CAMTA1: variants seen among roughly 807,000 people sequenced by gnomAD.
CAMTA1 encodes calmodulin binding transcription activator 1.
CAMTA1 carries 27 observed loss-of-function variants against 170.9 expected under a neutral mutation model. The observed-to-expected ratio is 0.16, with a 90% confidence interval of 0.12 to 0.22. CAMTA1 has a LOEUF of 0.22. Among genes scored for constraint, CAMTA1 ranks in the 10% least tolerant of loss-of-function variants. The pLI, the probability that CAMTA1 is intolerant of heterozygous loss-of-function variation, is 1.00. For missense variants in CAMTA1, 1,619 were observed against 2,217.2 expected (o/e 0.73, Z 5.42); for synonymous variants, 833 against 891.5 (o/e 0.93, Z 1.17).
At chr1:7,458,516 G>C (rs75438620) in intron 5 of CAMTA1, among the ~76,000 whole-genome samples, 1 of 152,154 alleles carries the variant, frequency 6.6e-6, no homozygotes, top group Non-Finnish European at 1.5e-5. Flanking sequence ...GCCAAGGGAC[G>C]GCTACTCTCC....
chr1:6,912,316 G>A (rs1440204794), intron 3 of CAMTA1, among the ~76,000 whole-genome samples: 3 of 152,218 alleles, frequency 2.0e-5, no homozygotes, highest in African/African-American at 7.2e-5. Flanking sequence ...GGCCAGCGGG[G>A]TAAGCAGCAG....
intron 4 of CAMTA1, among the ~76,000 whole-genome samples, chr1:7,229,720 G>T (rs1377072918): frequency 6.6e-6 from 1 of 151,930 alleles, no homozygotes; most frequent in Non-Finnish European, 1.5e-5. Context: ...AGAGGGCGGG[G>T]GTTGGGCCTC....
At chr1:7,727,065 C>T (rs1288108051) in intron 11 of CAMTA1, among the ~76,000 whole-genome samples, 1 of 152,132 alleles carries the variant, frequency 6.6e-6, no homozygotes, top group African/African-American at 2.4e-5. Context: ...GGACCAAACT[C>T]ATCAGCTCCC....
intron 3 of CAMTA1, among the ~76,000 whole-genome samples, chr1:6,903,371 A>G (rs74051047): frequency 0.014 from 2,136 of 152,358 alleles, 48 homozygotes; most frequent in African/African-American, 0.048. Context: ...ATGAAGATCT[A>G]TACATTTTAT....
intron 5 of CAMTA1, among the ~76,000 whole-genome samples, chr1:7,313,401 C>T (rs974073910): frequency 3.9e-5 from 6 of 152,224 alleles, no homozygotes; most frequent in African/African-American, 1.2e-4. Context: ...TTTTGTGCCT[C>T]GGGGCATGTG....
chr1:7,606,621 G>A (rs6686783), intron 6 of CAMTA1, among the ~76,000 whole-genome samples: 1,767 of 152,262 alleles, frequency 0.012, 23 homozygotes, highest in African/African-American at 0.038. Flanking sequence ...TTGCTGCATC[G>A]AAAAGCACCA....
At position 6,867,333 on chromosome 1, in the gene CAMTA1, T is replaced by A. The variant is rs74051018; in HGVS notation, c.234+42123T>A. Among the ~76,000 whole-genome samples the A allele has an allele frequency of 2.6e-3, 394 of 152,310 alleles. 1 individual carries two copies. The highest frequency in any genetic ancestry group is 9.2e-3 in the African/African-American group (381 of 41,554). ...TTTAACTTGTAGTTTTCGCTTTTTT[T>A]TTCTTTTTGAGGAGTATTGTGGAAA... is the stretch of plus-strand genomic sequence containing the variant. On this transcript the variant is annotated intron_variant, in intron 3 of 22. Transcript: ENST00000303635.
intron 3 of CAMTA1, among the ~76,000 whole-genome samples, chr1:7,011,390 C>G (rs937658192): frequency 2.0e-5 from 3 of 152,154 alleles, no homozygotes; most frequent in African/African-American, 7.2e-5. Context: ...CTCCTCAGTG[C>G]CCCTAGAATA....
intron 5 of CAMTA1, among the ~76,000 whole-genome samples, chr1:7,450,125 C>T (rs1399709307): frequency 6.6e-6 from 1 of 152,194 alleles, no homozygotes; most frequent in Non-Finnish European, 1.5e-5. Context: ...TGGAGGCCAC[C>T]ATCCCGCAAG....
chr1:7,334,441 T>G (rs2083225162), intron 5 of CAMTA1, among the ~76,000 whole-genome samples: 1 of 152,236 alleles, frequency 6.6e-6, no homozygotes, highest in African/African-American at 2.4e-5. Context: ...TTCTTTTGGA[T>G]GCGGAAACGG....
chr1:7,483,953 C>T (rs561379215), intron 6 of CAMTA1, among the ~76,000 whole-genome samples: 2 of 152,298 alleles, frequency 1.3e-5, no homozygotes, highest in East Asian at 1.9e-4. Context: ...CATTTTTATT[C>T]CCACTTTGAC....
chr1:7,681,536 A>G lies in CAMTA1; in HGVS notation c.2914+3803A>G, dbSNP rs2096205538. On this transcript the variant is annotated intron_variant, in intron 11 of 22. Transcript: ENST00000303635. The surrounding 1 kb of genome is among the most constrained non-coding windows in gnomAD (Gnocchi z 4.6). ...CTCTGTCCTGACCTGACCCCAGGCC[A>G]TTTGCACAGGACCCCAGGGAGGTCT... is the stretch of plus-strand genomic sequence containing the variant. Among the ~76,000 whole-genome samples the G allele has an allele frequency of 6.6e-6, 1 of 152,204 alleles. No individual in the cohort carries two copies. Among genetic ancestry groups the G allele is most frequent in the Non-Finnish European group, 1.5e-5 (1 of 68,032 alleles).
chr1:7,267,503 G>T (rs1006022440), intron 5 of CAMTA1, among the ~76,000 whole-genome samples: 1 of 152,134 alleles, frequency 6.6e-6, no homozygotes, highest in Non-Finnish European at 1.5e-5. Flanking sequence ...GACTAAGAGG[G>T]CCCCTGTAGC....
At position 7,053,272 on chromosome 1, in the gene CAMTA1, C is replaced by T. The variant is rs1047842349; in HGVS notation, c.235-38032C>T. On this transcript the variant is annotated intron_variant, in intron 3 of 22. Coordinates refer to ENST00000303635, the MANE Select transcript of CAMTA1 (RefSeq NM_015215.4). ...CATCAGTGTCTGCGTATGCTCCCAT[C>T]GCGACTCACTTCCCTCCAGTTCTGT... Among the ~76,000 whole-genome samples the T allele has an allele frequency of 3.9e-5, 6 of 152,320 alleles. No homozygotes were observed. In the South Asian group the frequency reaches 8.3e-4, roughly 21 times the overall value.
chr1:6,976,465 A>C (rs1356587666), intron 3 of CAMTA1, among the ~76,000 whole-genome samples: 2 of 152,226 alleles, frequency 1.3e-5, no homozygotes, highest in East Asian at 3.9e-4. Context: ...TGGCTGCTGG[A>C]CTGTGCAAGG....
At chr1:6,845,397 G>A (rs1031791097) in intron 3 of CAMTA1, among the ~76,000 whole-genome samples, 2 of 152,106 alleles carry the variant, frequency 1.3e-5, no homozygotes, top group South Asian at 2.1e-4. Context: ...TTTACTTTTC[G>A]CTTTTTAAAT....
intron 3 of CAMTA1, among the ~76,000 whole-genome samples, chr1:7,075,747 C>A (rs1397774630): frequency 6.6e-6 from 1 of 151,738 alleles, no homozygotes; most frequent in East Asian, 1.9e-4. Context: ...ACTGAAACCT[C>A]CACCTCCGGA....
At chr1:7,590,685 C>T (rs1200935429) in intron 6 of CAMTA1, among the ~76,000 whole-genome samples, 1 of 152,160 alleles carries the variant, frequency 6.6e-6, no homozygotes, top group Non-Finnish European at 1.5e-5. Flanking sequence ...AGAGGTGTCC[C>T]AAAGCACAGC....
intron 11 of CAMTA1, among the ~76,000 whole-genome samples, chr1:7,721,629 C>T (rs949337233): frequency 6.6e-6 from 1 of 152,082 alleles, no homozygotes; most frequent in African/African-American, 2.4e-5. Flanking sequence ...AGAAACGTAG[C>T]CTGGGATGGT....
Sources: gnomAD v4.1 joint callset for allele counts (sites outside exome capture counted in the v4.1 genomes callset) on GRCh38, gnomAD v4.1.1 for gene constraint, Gnocchi (gnomAD v3.1) non-coding constraint, MANE v1.5 for transcripts, NCBI Gene and HGNC (gene_info 2026-07-23, HGNC 2026-07-21) for gene names.